CCDC13: variants seen among roughly 807,000 people sequenced by gnomAD.
The protein encoded by CCDC13 is coiled-coil domain containing 13.
A neutral mutation model predicts 87.3 loss-of-function variants in CCDC13; 70 were observed. The ratio of observed to expected loss-of-function variants is 0.80; its 90% CI spans 0.66 to 0.98. The LOEUF (loss-of-function observed/expected upper bound fraction) is 0.98. Among genes scored for constraint, CCDC13 ranks in the 50% least tolerant of loss-of-function variants. The pLI is 0.00. For missense variants in CCDC13, 842 were observed against 892.0 expected (o/e 0.94, Z 0.71); for synonymous variants, 317 against 360.3 (o/e 0.88, Z 1.36).
Position 42,710,854 on chromosome 3 carries a change from G to A in CCDC13, c.1874-1056C>T, listed in dbSNP as rs139707489. On this transcript the variant is annotated intron_variant, in intron 14 of 15. Transcript: ENST00000310232. ...CTAAGCTGCCCTTGGCTTATTCCAC[G>A]CATTGAGCACCTCCACATCCCCAAC... Among the ~76,000 whole-genome samples, 593 of 152,162 alleles carry A rather than the reference G, an allele frequency of 3.9e-3. 1 individual carries two copies. The highest frequency in any genetic ancestry group is 7.1e-3 in the Non-Finnish European group (481 of 67,998).
rs200543609 is a variant in CCDC13 at position 42,726,758 on chromosome 3, C to CACATATAT, written c.1718+3701_1718+3708dup. On this transcript the variant is annotated intron_variant, in intron 13 of 15. Transcript: ENST00000310232. ...ATATATTTACATATATGTAAAGTCA[C>CACATATAT]ACATATATACATATATACATATATG... is the stretch of plus-strand genomic sequence containing the variant. Among the ~76,000 whole-genome samples the CACATATAT allele has an allele frequency of 4.6e-5, 7 of 151,678 alleles. No homozygotes were observed. The South Asian group carries it at 1.0e-3, about 22-fold the overall frequency.
intron 1 of CCDC13, among the ~76,000 whole-genome samples, chr3:42,763,096 G>C: frequency 6.6e-6 from 1 of 152,200 alleles, no homozygotes; most frequent in East Asian, 1.9e-4. Context: ...TTTATGAACA[G>C]AAAAAGGAAA....
chr3:42,771,153 A>C (rs1211648885), intron 1 of CCDC13: 2 of 152,240 alleles, frequency 1.3e-5, no homozygotes, highest in Non-Finnish European at 2.9e-5. Context: ...TCACGCCACG[A>C]AAAGACATGA....
At chr3:42,757,430 A>T (rs1322610582) in intron 2 of CCDC13, among the ~76,000 whole-genome samples, 1 of 152,270 alleles carries the variant, frequency 6.6e-6, no homozygotes, top group Admixed American at 6.5e-5. Flanking sequence ...TCCATGGAAC[A>T]TGCATAAAAA....
chr3:42,745,122 A>G (rs1413339030), intron 7 of CCDC13: 1 of 152,212 alleles, frequency 6.6e-6, no homozygotes, highest in East Asian at 1.9e-4. Context: ...GACACTGAAG[A>G]TAAAAGCCAC....
At chr3:42,732,538 G>A (rs1698867837) in intron 12 of CCDC13, 1 of 290,610 alleles carries the variant, frequency 3.4e-6, no homozygotes, top group East Asian at 7.8e-5. Flanking sequence ...GATATCAGTG[G>A]GAACCCATAT....
At chr3:42,738,015 C>T (rs1699085635) in intron 9 of CCDC13, among the ~76,000 whole-genome samples, 1 of 151,362 alleles carries the variant, frequency 6.6e-6, no homozygotes. Context: ...TATTTCCTAG[C>T]TTTTCTTCTA....
chr3:42,712,817 A>G (rs1172406486), intron 14 of CCDC13, among the ~76,000 whole-genome samples: 2 of 152,230 alleles, frequency 1.3e-5, no homozygotes, highest in Non-Finnish European at 2.9e-5. Context: ...GGGCTTCCCC[A>G]GCAGACCAGC....
chr3:42,729,651 G>T (rs1236778113), intron 13 of CCDC13, among the ~76,000 whole-genome samples: 1 of 152,182 alleles, frequency 6.6e-6, no homozygotes, highest in Non-Finnish European at 1.5e-5. Flanking sequence ...AGTGGCCCAG[G>T]GAACTGCCTA....
Position 42,743,032 on chromosome 3 carries a change from C to T in CCDC13, c.851G>A (p.Gly284Asp). The part of the protein sequence containing the change: ...SKVQELEKQL[G>D]QARSQSAGTA... Reference sequence around the variant, plus strand: ...TCCCGCAGACTGGCTCCGGGCCTGGCCCAATTGCTTCTCAAGCTCTTGAAC... The same window carrying T: ...TCCCGCAGACTGGCTCCGGGCCTGGTCCAATTGCTTCTCAAGCTCTTGAAC... Residue 284 changes from glycine (G) to aspartate (D), a missense_variant, in exon 8 of 16, where the codon GGC becomes GAC. Coordinates refer to ENST00000310232, the MANE Select transcript of CCDC13 (RefSeq NM_144719.4). 1 of 1,614,058 alleles carries T rather than the reference C, an allele frequency of 6.2e-7. No individual in the cohort carries two copies. The highest frequency in any genetic ancestry group is 1.1e-5 in the South Asian group (1 of 91,054).
intron 5 of CCDC13, among the ~76,000 whole-genome samples, chr3:42,750,509 C>G (rs1174282977): frequency 6.6e-6 from 1 of 152,216 alleles, no homozygotes; most frequent in Non-Finnish European, 1.5e-5. Context: ...ACTCTGTCAC[C>G]CAGGCTGGAG....
chr3:42,709,587 G>T, intron 15 of CCDC13, 97 bp downstream of exon 15: 1 of 989,886 alleles, frequency 1.0e-6, no homozygotes, highest in Non-Finnish European at 1.6e-6. Flanking sequence ...GGGCAAATGA[G>T]TCAAAAGTGC....
At chr3:42,723,076 C>A (rs1698605995) in intron 13 of CCDC13, among the ~76,000 whole-genome samples, 1 of 152,116 alleles carries the variant, frequency 6.6e-6, no homozygotes, top group Non-Finnish European at 1.5e-5. Flanking sequence ...GGATTACAGG[C>A]GTGAGCCACC....
chr3:42,769,672 A>G (rs1700014134), intron 1 of CCDC13, among the ~76,000 whole-genome samples: 1 of 152,268 alleles, frequency 6.6e-6, no homozygotes. Flanking sequence ...GGGCTGGCCA[A>G]GGCCGGAGCT....
chr3:42,752,129 G>A (rs1023959852), intron 4 of CCDC13, 104 bp from the exon 5 acceptor site: 12 of 962,872 alleles, frequency 1.2e-5, no homozygotes, highest in Non-Finnish European at 1.9e-5. Context: ...TTGGTGGTGT[G>A]TCCTTTTAGC....
intron 1 of CCDC13, among the ~76,000 whole-genome samples, chr3:42,766,608 G>GAAAA (rs34691284): frequency 7.3e-6 from 1 of 137,836 alleles, no homozygotes; most frequent in Non-Finnish European, 1.5e-5. Flanking sequence ...CTGTCTCAAA[G>GAAAA]AAAAAAAAAA....
intron 13 of CCDC13, among the ~76,000 whole-genome samples, chr3:42,729,971 TCAA>T: frequency 6.6e-6 from 1 of 152,188 alleles, no homozygotes; most frequent in Non-Finnish European, 1.5e-5. Context: ...CGGAAGTCTG[TCAA>T]CAACCCTTTA....
chr3:42,746,223 T>A (rs986201215), intron 6 of CCDC13, 196 bp from the exon 7 acceptor site: 4 of 555,170 alleles, frequency 7.2e-6, no homozygotes, highest in Non-Finnish European at 1.3e-5. Flanking sequence ...AAACCCATCA[T>A]CCCTGGCATT....
At chr3:42,741,644 G>A (rs1267839408) in intron 8 of CCDC13, among the ~76,000 whole-genome samples, 3 of 152,170 alleles carry the variant, frequency 2.0e-5, no homozygotes, top group Non-Finnish European at 1.5e-5. Context: ...GGCTGAGGCA[G>A]GAGAATCACT....
Sources: allele counts gnomAD v4.1 joint callset (sites outside exome capture counted in the v4.1 genomes callset), GRCh38; gene constraint gnomAD v4.1.1; transcripts MANE v1.5; gene names NCBI Gene and HGNC (gene_info 2026-07-23, HGNC 2026-07-21).